The following LRRC37A2 variants were observed in gnomAD, a reference collection of about 807,000 sequenced individuals.
The protein encoded by LRRC37A2 is leucine-rich repeat-containing protein 37A2.
LRRC37A2 carries 9 observed loss-of-function variants against 68.8 expected under a neutral mutation model. The observed-to-expected ratio is 0.13, with a 90% CI of 0.08 to 0.23. The LOEUF is 0.23. LRRC37A2 is among the 10% of genes least tolerant of loss of function. The pLI is 1.00. For missense variants in LRRC37A2, 168 were observed against 950.4 expected, an observed-to-expected ratio of 0.18 and a Z score of 10.82; for synonymous variants, 63 against 367.6, an observed-to-expected ratio of 0.17 and a Z score of 9.48.
the LRRC37A2 span, chr17:47,033,269 A>T: frequency 7.4e-6 from 5 of 674,198 alleles, no homozygotes; most frequent in Non-Finnish European, 1.3e-5. Flanking sequence ...GAAAAGAAAA[A>T]AGGCTCACCG....
chr17:46,781,833 TC>T, the LRRC37A2 span, among the ~76,000 whole-genome samples: 13 of 152,130 alleles, frequency 8.5e-5, no homozygotes, highest in Non-Finnish European at 4.4e-5. Flanking sequence ...CTAGTCTAAT[TC>T]CCTCTTCCTC....
chr17:46,868,446 A>T, the LRRC37A2 span, among the ~76,000 whole-genome samples: 1 of 151,494 alleles, frequency 6.6e-6, no homozygotes, highest in Non-Finnish European at 1.5e-5. Context: ...ACACAAAAAA[A>T]ATAGCTGGGC....
chr17:46,775,252 A>G, the LRRC37A2 span, among the ~76,000 whole-genome samples: 5 of 152,366 alleles, frequency 3.3e-5, no homozygotes, highest in South Asian at 6.2e-4. Context: ...ACTGAGGTTT[A>G]GAGAGTGAAT....
the LRRC37A2 span, among the ~76,000 whole-genome samples, chr17:46,994,644 C>T: frequency 6.6e-6 from 1 of 152,216 alleles, no homozygotes; most frequent in South Asian, 2.1e-4. Flanking sequence ...AGCCACATCA[C>T]TGCCTCCTGG....
At chr17:47,000,039 A>AAAAT in the LRRC37A2 span, among the ~76,000 whole-genome samples, 2 of 25,806 alleles carry the variant, frequency 7.8e-5, no homozygotes, top group South Asian at 5.1e-3. Flanking sequence ...AAAATAAAAT[A>AAAAT]AAATAAAATA....
chr17:46,982,965 A>C, the LRRC37A2 span, among the ~76,000 whole-genome samples: 2 of 152,172 alleles, frequency 1.3e-5, no homozygotes, highest in African/African-American at 4.8e-5. Context: ...GCTCATTAGA[A>C]GAGGGGCATC....
chr17:47,032,896 C>A, the LRRC37A2 span, among the ~76,000 whole-genome samples: 1 of 152,110 alleles, frequency 6.6e-6, no homozygotes, highest in Non-Finnish European at 1.5e-5. Context: ...GAGTCTTCTT[C>A]AAGGTTATTC....
chr17:46,983,912 G>A, the LRRC37A2 span: 1 of 152,326 alleles, frequency 6.6e-6, no homozygotes, highest in Non-Finnish European at 1.5e-5. Flanking sequence ...TTACACGGCT[G>A]TTGGCAGGAG....
chr17:46,768,274 C>A, the LRRC37A2 span: 3 of 1,611,758 alleles, frequency 1.9e-6, no homozygotes, highest in Non-Finnish European at 2.5e-6. The surrounding 1 kb of genome is among the most constrained non-coding windows in gnomAD (Gnocchi z 5.0). Context: ...TCCCTGCGCC[C>A]AGGCTCCCAG....
the LRRC37A2 span, chr17:47,033,431 C>T: frequency 1.2e-5 from 8 of 690,442 alleles, no homozygotes; most frequent in African/African-American, 3.5e-5. Flanking sequence ...AAGTACATCG[C>T]GCATATTGGG....
exon 10 of LRRC37A2, chr17:46,548,915 C>T (rs1222109272): frequency 2.5e-6 from 4 of 1,612,414 alleles, no homozygotes; most frequent in African/African-American, 2.7e-5. Context: ...CCTTCTACCT[C>T]CAGCCCTGCA....
At chr17:46,756,987 G>C in the LRRC37A2 span, 11 of 152,422 alleles carry the variant, frequency 7.2e-5, no homozygotes, top group Admixed American at 6.5e-4. Context: ...CTTATGGAGT[G>C]TGCCTCTCTC....
the LRRC37A2 span, chr17:46,751,400 G>T: frequency 2.5e-6 from 2 of 802,946 alleles, no homozygotes; most frequent in African/African-American, 1.7e-5. Flanking sequence ...AACTTGAACA[G>T]TTAGGTAGTT....
chr17:47,042,070 T>C, the LRRC37A2 span: 1 of 116,496 alleles, frequency 8.6e-6, no homozygotes, highest in Non-Finnish European at 1.9e-5. Flanking sequence ...TGGCTGTGAA[T>C]AGCCACTGCT....
chr17:46,790,975 C>T, the LRRC37A2 span, among the ~76,000 whole-genome samples: 1 of 152,214 alleles, frequency 6.6e-6, no homozygotes, highest in Non-Finnish European at 1.5e-5. Context: ...TCCTCGTTTC[C>T]TCTGGGGTTT....
At chr17:46,691,792 G>A in the LRRC37A2 span, among the ~76,000 whole-genome samples, 7 of 151,272 alleles carry the variant, frequency 4.6e-5, no homozygotes, top group Middle Eastern at 3.4e-3. Flanking sequence ...TCACTCTGTC[G>A]CCCAGGCTGG....
At chr17:46,760,465 TA>T in the LRRC37A2 span, among the ~76,000 whole-genome samples, 2,154 of 141,884 alleles carry the variant, frequency 0.015, 45 homozygotes, top group African/African-American at 0.051. Context: ...ACCTCATCTC[TA>T]AAAAAAAAAA....
At chr17:46,728,417 G>GA in the LRRC37A2 span, among the ~76,000 whole-genome samples, 1 of 151,598 alleles carries the variant, frequency 6.6e-6, no homozygotes, top group Non-Finnish European at 1.5e-5. Context: ...AATAATCCCA[G>GA]AAAAAACATC....
the LRRC37A2 span, among the ~76,000 whole-genome samples, chr17:47,015,006 CTTTT>C: frequency 9.4e-6 from 1 of 106,144 alleles, no homozygotes. Flanking sequence ...CCATTTTTAT[CTTTT>C]TTTTTTTTTT....
Sources: allele counts gnomAD v4.1 joint callset (sites outside exome capture counted in the v4.1 genomes callset), GRCh38; gene constraint gnomAD v4.1.1; non-coding constraint Gnocchi (gnomAD v3.1); transcripts MANE v1.5; gene names NCBI Gene and HGNC (gene_info 2026-07-23, HGNC 2026-07-21).